WWTR1: variants seen among roughly 807,000 people sequenced by gnomAD.
WWTR1 encodes the protein WW domain-containing transcription regulator protein 1.
WWTR1 carries 13 observed loss-of-function variants against 40.1 expected under a neutral mutation model. The observed-to-expected ratio is 0.32, with a 90% CI of 0.21 to 0.52. WWTR1 has a LOEUF of 0.52. WWTR1 is among the 20% of genes least tolerant of loss of function. The probability of loss-of-function intolerance (pLI) is 0.97; values close to 1 mark genes in which losing one functional copy is unlikely to be tolerated. For missense variants in WWTR1, 436 were observed against 523.1 expected (o/e 0.83, Z 1.63); for synonymous variants, 230 against 210.1 (o/e 1.09, Z -0.82).
chr3:149,607,647 T>C (rs2108061599), intron 2 of WWTR1, among the ~76,000 whole-genome samples: 1 of 152,342 alleles, frequency 6.6e-6, no homozygotes, highest in Non-Finnish European at 1.5e-5. Flanking sequence ...ACTTACTGAA[T>C]TGATCTTCCC....
intron 2 of WWTR1, among the ~76,000 whole-genome samples, chr3:149,643,359 G>A (rs943014179): frequency 1.3e-5 from 2 of 152,162 alleles, no homozygotes; most frequent in Admixed American, 6.5e-5. Flanking sequence ...ACGTGTGCCA[G>A]CAATAACAGT....
intron 1 of WWTR1, chr3:149,657,554 G>T: frequency 1.9e-6 from 1 of 535,310 alleles, no homozygotes; most frequent in South Asian, 2.5e-5. Context: ...TGGAGGAGGA[G>T]AAGATAGGGC....
At chr3:149,685,320 C>T (rs1714608585) in intron 1 of WWTR1, among the ~76,000 whole-genome samples, 1 of 152,136 alleles carries the variant, frequency 6.6e-6, no homozygotes, top group South Asian at 2.1e-4. Flanking sequence ...ACTATAAGAT[C>T]ACCACGCCCA....
chr3:149,701,771 T>G (rs1001794782), intron 1 of WWTR1: 2 of 174,100 alleles, frequency 1.1e-5, no homozygotes, highest in Admixed American at 1.3e-4. Context: ...TCTCAGATGT[T>G]TGGGGGGAAA....
At chr3:149,580,086 T>C (rs990648201) in intron 2 of WWTR1, among the ~76,000 whole-genome samples, 27 of 152,228 alleles carry the variant, frequency 1.8e-4, no homozygotes, top group African/African-American at 6.3e-4. Flanking sequence ...AGAATACAAG[T>C]ATGCAAAAGG....
intron 5 of WWTR1, among the ~76,000 whole-genome samples, chr3:149,712,192 A>C (rs1715491898): frequency 6.6e-6 from 1 of 152,192 alleles, no homozygotes; most frequent in African/African-American, 2.4e-5. Context: ...TTTGAGGCTG[A>C]GGTGGGAGGA....
intron 2 of WWTR1, among the ~76,000 whole-genome samples, chr3:149,611,936 C>T (rs1739754190): frequency 6.6e-6 from 1 of 152,142 alleles, no homozygotes; most frequent in Non-Finnish European, 1.5e-5. Flanking sequence ...TACATTATTG[C>T]CTAGACTTAC....
At chr3:149,526,994 C>T (rs1735349072) in intron 5 of WWTR1, among the ~76,000 whole-genome samples, 1 of 152,156 alleles carries the variant, frequency 6.6e-6, no homozygotes, top group Non-Finnish European at 1.5e-5. Flanking sequence ...AACAAGAGTA[C>T]AGAGCGTTCC....
At chr3:149,604,324 C>T (rs745858430) in intron 2 of WWTR1, among the ~76,000 whole-genome samples, 3 of 152,172 alleles carry the variant, frequency 2.0e-5, no homozygotes, top group Non-Finnish European at 2.9e-5. Flanking sequence ...CCACCACATC[C>T]CGGGAAGGAG....
chr3:149,652,065 C>T (rs942532538), intron 2 of WWTR1, among the ~76,000 whole-genome samples: 2 of 141,372 alleles, frequency 1.4e-5, no homozygotes, highest in African/African-American at 5.2e-5. Context: ...GGATGATCTC[C>T]ATCTCCTGAC....
At chr3:149,617,424 G>A (rs534026170) in intron 2 of WWTR1, among the ~76,000 whole-genome samples, 3 of 152,142 alleles carry the variant, frequency 2.0e-5, no homozygotes, top group Non-Finnish European at 2.9e-5. Flanking sequence ...ACCACTAGAG[G>A]CTTATGGCTT....
At chr3:149,656,718 C>G (rs550486113) in intron 2 of WWTR1, among the ~76,000 whole-genome samples, 158 bp downstream of exon 2, 1 of 152,146 alleles carries the variant, frequency 6.6e-6, no homozygotes, top group South Asian at 2.1e-4. Context: ...TTCCAGCTCT[C>G]CATATCTGTG....
At chr3:149,700,652 C>G (rs1715140516) in intron 1 of WWTR1, among the ~76,000 whole-genome samples, 1 of 152,014 alleles carries the variant, frequency 6.6e-6, no homozygotes, top group East Asian at 1.9e-4. Flanking sequence ...ACTTAACTGA[C>G]ATAATATATT....
At chr3:149,625,823 C>G (rs1740521227) in intron 2 of WWTR1, among the ~76,000 whole-genome samples, 1 of 151,696 alleles carries the variant, frequency 6.6e-6, no homozygotes, top group African/African-American at 2.4e-5. Flanking sequence ...GCATCACATG[C>G]AAACAATTAT....
intron 3 of WWTR1, among the ~76,000 whole-genome samples, chr3:149,570,023 T>C (rs1737543905): frequency 6.6e-6 from 1 of 152,186 alleles, no homozygotes. Context: ...ATAAAGACTA[T>C]GAACCACAGG....
intron 1 of WWTR1, among the ~76,000 whole-genome samples, chr3:149,683,448 C>G (rs896709207): frequency 1.2e-4 from 19 of 152,140 alleles, no homozygotes; most frequent in African/African-American, 4.1e-4. Context: ...AATCCCAGCA[C>G]TTTGGGAGGT....
chr3:149,630,513 T>C lies in WWTR1; in HGVS notation c.431+26363A>G, dbSNP rs369991376. ...TGGGACAGATAATCAGAATTTCTTC[T>C]TGCCTTTCCTGCAGACCAGCTCAGT... On this transcript the variant is annotated intron_variant, in intron 2 of 6. Coordinates refer to ENST00000360632, the MANE Select transcript of WWTR1 (RefSeq NM_015472.6). 5.3e-5 allele frequency among the ~76,000 whole-genome samples: 8 copies of C among 152,310 alleles called. No individual in the cohort carries two copies. The East Asian group carries it at 7.7e-4, about 15-fold the overall frequency.
At chr3:149,578,118 C>T (rs1206055598) in intron 2 of WWTR1, among the ~76,000 whole-genome samples, 1 of 151,524 alleles carries the variant, frequency 6.6e-6, no homozygotes, top group Non-Finnish European at 1.5e-5. Context: ...CATGAAATAA[C>T]AGCACAACTC....
intron 2 of WWTR1, among the ~76,000 whole-genome samples, chr3:149,646,042 G>A (rs973927043): frequency 1.6e-4 from 24 of 152,154 alleles, no homozygotes; most frequent in Admixed American, 1.2e-3. Flanking sequence ...CAACCTTTGT[G>A]CCATAGATTT....
Sources: allele counts gnomAD v4.1 joint callset (sites outside exome capture counted in the v4.1 genomes callset), GRCh38; gene constraint gnomAD v4.1.1; transcripts MANE v1.5; gene names NCBI Gene and HGNC (gene_info 2026-07-23, HGNC 2026-07-21).